ABCB11: variants seen among roughly 807,000 people sequenced by gnomAD.
The protein encoded by ABCB11 is ATP binding cassette subfamily B member 11, also known as bile salt export pump.
Under a neutral mutation model 148.0 loss-of-function variants are expected in ABCB11, and 95 were observed. The observed-to-expected ratio is 0.64, with a 90% confidence interval of 0.54 to 0.76. The LOEUF (loss-of-function observed/expected upper bound fraction) is 0.76. Ranked by LOEUF, ABCB11 falls within the 30% of genes least tolerant of loss-of-function variation. ABCB11 has a pLI of 0.00. For missense variants in ABCB11, 1,523 were observed against 1,617.8 expected (o/e 0.94, Z 1.01); for synonymous variants, 591 against 555.4 (o/e 1.06, Z -0.90).
At chr2:168,955,728 A>G (rs1692760288) in intron 19 of ABCB11, among the ~76,000 whole-genome samples, 1 of 151,700 alleles carries the variant, frequency 6.6e-6, no homozygotes. Flanking sequence ...TCATTTAAGC[A>G]TTAACTCAAA....
intron 21 of ABCB11, among the ~76,000 whole-genome samples, chr2:168,941,982 C>G (rs1692083004): frequency 6.6e-6 from 1 of 151,866 alleles, no homozygotes; most frequent in Admixed American, 6.6e-5. Context: ...TTGCGGTGGT[C>G]TGAAACCAAA....
chr2:168,930,715 T>G lies in ABCB11; in HGVS notation c.3361A>C (p.Thr1121Pro). 6.3e-7 allele frequency: 1 copy of G among 1,596,044 alleles called. No homozygotes were observed. Among genetic ancestry groups the G allele is most frequent in the Non-Finnish European group, 8.6e-7 (1 of 1,167,600 alleles). Residue 1121 changes from threonine to proline, a missense_variant, in exon 25 of 28, where the codon ACT becomes CCT. Transcript: ENST00000650372. The part of the protein sequence containing the change: ...FVGSSGCGKS[T>P]SIQLLERFYD... The stretch of plus-strand genomic sequence containing the variant: ...AAACGTTCCAACAGCTGAATGCTAG[T>G]GCTTTTGCCACATCCACTGCTCCCA...
intron 19 of ABCB11, among the ~76,000 whole-genome samples, chr2:168,954,999 G>T (rs1042267785): frequency 1.3e-4 from 19 of 151,538 alleles, no homozygotes; most frequent in African/African-American, 4.6e-4. Context: ...ATGTGTTCAA[G>T]TTCTGAAATT....
intron 27 of ABCB11, 30 bp downstream of exon 27, chr2:168,924,627 G>A (rs1691223331): frequency 1.9e-6 from 3 of 1,610,448 alleles, no homozygotes; most frequent in Non-Finnish European, 2.5e-6. Context: ...TATTTGTAAT[G>A]ATCTAAGACT....
At chr2:168,954,526 T>C (rs1692706408) in intron 19 of ABCB11, among the ~76,000 whole-genome samples, 1 of 151,604 alleles carries the variant, frequency 6.6e-6, no homozygotes, top group South Asian at 2.1e-4. Flanking sequence ...TTTTTTTTCC[T>C]TTCAGCACTT....
intron 19 of ABCB11, among the ~76,000 whole-genome samples, chr2:168,951,649 G>A (rs1365391654): frequency 1.3e-5 from 2 of 151,516 alleles, no homozygotes; most frequent in Non-Finnish European, 3.0e-5. Context: ...AGTTTTTGGT[G>A]AAGTCTTTAG....
At chr2:168,953,645 T>C (rs1692664301) in intron 19 of ABCB11, among the ~76,000 whole-genome samples, 1 of 151,574 alleles carries the variant, frequency 6.6e-6, no homozygotes, top group African/African-American at 2.4e-5. Flanking sequence ...TAATCCATTC[T>C]TCCAATATGT....
At chr2:168,920,134 G>A (rs1691032259), downstream of ABCB11, among the ~76,000 whole-genome samples, 1 of 152,078 alleles carries the variant, frequency 6.6e-6, no homozygotes, top group Non-Finnish European at 1.5e-5. Context: ...CTAAAGTGCT[G>A]GGATTACAGG....
chr2:168,917,154 C>T (rs1364654403), downstream of ABCB11, among the ~76,000 whole-genome samples: 1 of 151,948 alleles, frequency 6.6e-6, no homozygotes, highest in South Asian at 2.1e-4. Flanking sequence ...TTCCTAAGGG[C>T]ACATGTAGAG....
rs1358484306 is a variant in ABCB11 at position 168,964,300 on chromosome 2, A to G, written c.2084T>C (p.Ile695Thr). ...GSYQDSLRAS[I>T]RQRSKSQLSY... is the part of the protein sequence containing the mutation. The stretch of plus-strand genomic sequence containing the variant: ...AAGCTGAGACTTGGAGCGTTGCCGG[A>G]TGGAAGCCCTGTAAATAAACAGAAA... The change falls in exon 18 of 28, where the codon ATC (isoleucine) becomes ACC (threonine). Residue 695 changes from isoleucine (I) to threonine (T), a missense_variant. By Grantham distance (89) the Ile-to-Thr change is moderately conservative. Coordinates refer to ENST00000650372, the MANE Select transcript of ABCB11 (RefSeq NM_003742.4). 1 of 1,562,468 alleles carries G rather than the reference A, an allele frequency of 6.4e-7. No individual in the cohort carries two copies. Among genetic ancestry groups the G allele is most frequent in the Non-Finnish European group, 8.7e-7 (1 of 1,151,686 alleles).
At chr2:169,004,966 C>T (rs1694977224) in intron 5 of ABCB11, among the ~76,000 whole-genome samples, 1 of 152,132 alleles carries the variant, frequency 6.6e-6, no homozygotes, top group Admixed American at 6.6e-5. Flanking sequence ...TGGGCTGGTA[C>T]TGGCAAGAGT....
chr2:168,973,566 C>T (rs1040744866), intron 13 of ABCB11, 149 bp downstream of exon 13: 7 of 938,174 alleles, frequency 7.5e-6, no homozygotes, highest in Non-Finnish European at 7.8e-6. Context: ...ATGTAGGAAG[C>T]GTGTCCCATC....
chr2:168,991,824 G>A (rs958804297), intron 8 of ABCB11, among the ~76,000 whole-genome samples: 1 of 148,314 alleles, frequency 6.7e-6, no homozygotes, highest in Non-Finnish European at 1.5e-5. Flanking sequence ...GTAACAGTAA[G>A]GAAAGTGAGG....
chr2:169,018,920 G>T (rs1695449802), intron 1 of ABCB11, among the ~76,000 whole-genome samples: 1 of 152,170 alleles, frequency 6.6e-6, no homozygotes, highest in African/African-American at 2.4e-5. Context: ...GTACCGAAGA[G>T]TAAGCAGAGC....
At chr2:169,006,083 CATT>C (rs1465059558) in intron 5 of ABCB11, among the ~76,000 whole-genome samples, 6 of 152,074 alleles carry the variant, frequency 3.9e-5, no homozygotes, top group Non-Finnish European at 5.9e-5. Flanking sequence ...CAGGCAAAGA[CATT>C]ATAAGAGAAG....
chr2:168,925,196 G>A (rs1691250840), intron 26 of ABCB11, among the ~76,000 whole-genome samples: 2 of 152,120 alleles, frequency 1.3e-5, no homozygotes, highest in African/African-American at 4.8e-5. Context: ...TGTCTTTTGC[G>A]AGATCTTCTG....
chr2:168,974,015 C>T (rs1239611048), intron 12 of ABCB11, among the ~76,000 whole-genome samples, 175 bp from the exon 13 acceptor site: 1 of 151,804 alleles, frequency 6.6e-6, no homozygotes, highest in Non-Finnish European at 1.5e-5. Flanking sequence ...GAAACATTGG[C>T]AAGGATGAGG....
At chr2:169,028,603 C>A (rs1276202101) in intron 1 of ABCB11, among the ~76,000 whole-genome samples, 1 of 151,930 alleles carries the variant, frequency 6.6e-6, no homozygotes, top group African/African-American at 2.4e-5. Flanking sequence ...GCTGGTTGAT[C>A]CTTCAGGGCC....
intron 17 of ABCB11, among the ~76,000 whole-genome samples, chr2:168,964,645 G>C (rs1184058771): frequency 6.6e-6 from 1 of 151,794 alleles, no homozygotes; most frequent in Non-Finnish European, 1.5e-5. Flanking sequence ...ACATGGTTCT[G>C]CTAATTGCTG....
Sources: gnomAD v4.1 joint callset for allele counts (sites outside exome capture counted in the v4.1 genomes callset) on GRCh38, gnomAD v4.1.1 for gene constraint, MANE v1.5 for transcripts, NCBI Gene and HGNC (gene_info 2026-07-23, HGNC 2026-07-21) for gene names.